Variants in PTPRG observed in about 807,000 individuals in gnomAD.
PTPRG encodes receptor-type tyrosine-protein phosphatase gamma.
In PTPRG, 102 loss-of-function variants were observed where a neutral mutation model predicts 165.3. That is an observed-to-expected ratio of 0.62 (90% CI 0.53 to 0.73). The LOEUF is 0.73. Among genes scored for constraint, PTPRG ranks in the 30% least tolerant of loss-of-function variants. The pLI, the probability that PTPRG is intolerant of heterozygous loss-of-function variation, is 0.00. For missense variants in PTPRG, 1,866 were observed against 1,861.4 expected (o/e 1.00, Z -0.05); for synonymous variants, 675 against 669.5 (o/e 1.01, Z -0.13).
intron 2 of PTPRG, among the ~76,000 whole-genome samples, chr3:61,801,294 G>T (rs7428926): frequency 6.6e-6 from 1 of 151,516 alleles, no homozygotes; most frequent in African/African-American, 2.4e-5. Context: ...GTGCGCACAC[G>T]CATATGTGTG....
intron 2 of PTPRG, among the ~76,000 whole-genome samples, chr3:61,825,242 T>A (rs1457420547): frequency 6.6e-6 from 1 of 152,254 alleles, no homozygotes. Context: ...GATTACTAAT[T>A]AAGGGAAACC....
chr3:62,293,208 TAAAGAA>T lies in PTPRG; in HGVS notation c.4242_4247del (p.Lys1414_Glu1415del). 2 of 1,610,780 alleles carry T rather than the reference TAAAGAA, an allele frequency of 1.2e-6. No homozygotes were observed. Among genetic ancestry groups the T allele is most frequent in the Non-Finnish European group, 1.7e-6 (2 of 1,178,826 alleles). Reference sequence around the variant, plus strand: ...AAGCAATGCTTAGCTTGGTCAGCACTAAAGAAAATGGAAATGGTCCCATGACAGTAG... The same window carrying T: ...AAGCAATGCTTAGCTTGGTCAGCACTAATGGAAATGGTCCCATGACAGTAG... On this transcript the variant is annotated inframe_deletion, in exon 30 of 30. Transcript: ENST00000474889.
At chr3:62,181,862 A>T (rs1354823332) in intron 8 of PTPRG, among the ~76,000 whole-genome samples, 1 of 152,144 alleles carries the variant, frequency 6.6e-6, no homozygotes, top group African/African-American at 2.4e-5. Flanking sequence ...ACATGAAGGA[A>T]ATTTTGAAAT....
intron 1 of PTPRG, among the ~76,000 whole-genome samples, chr3:61,571,359 A>G (rs889534627): frequency 6.6e-6 from 1 of 152,188 alleles, no homozygotes; most frequent in East Asian, 1.9e-4. Context: ...TGAAGAGAGT[A>G]TGGAAACTAT....
intron 1 of PTPRG, among the ~76,000 whole-genome samples, chr3:61,622,372 A>G (rs1354787081): frequency 6.6e-6 from 1 of 152,140 alleles, no homozygotes; most frequent in Non-Finnish European, 1.5e-5. Context: ...GCTATTTGTA[A>G]TTAGTGCCTA....
chr3:61,830,566 G>GTTTTTTTTTTTTTTTTTT (rs57644199), intron 2 of PTPRG, among the ~76,000 whole-genome samples: 2 of 86,498 alleles, frequency 2.3e-5, no homozygotes, highest in Non-Finnish European at 2.3e-5. Context: ...TTTTGTTTTT[G>GTTTTTTTTTTTTTTTTTT]TTTTTTTTTT....
At chr3:61,894,175 G>A (rs534875158) in intron 2 of PTPRG, among the ~76,000 whole-genome samples, 223 of 151,882 alleles carry the variant, frequency 1.5e-3, no homozygotes, top group African/African-American at 5.1e-3. Flanking sequence ...GTAGTGGTGC[G>A]TGCCTGTAAT....
chr3:61,585,634 C>A (rs1700418048), intron 1 of PTPRG, among the ~76,000 whole-genome samples: 1 of 152,032 alleles, frequency 6.6e-6, no homozygotes, highest in Admixed American at 6.5e-5. Flanking sequence ...ATAGTCCCAG[C>A]TACTTGGGAG....
At chr3:62,285,777 C>A (rs1702630321) in intron 28 of PTPRG, among the ~76,000 whole-genome samples, 1 of 152,104 alleles carries the variant, frequency 6.6e-6, no homozygotes, top group Admixed American at 6.6e-5. Context: ...AGGCATGGTT[C>A]TCATATAGTC....
In PTPRG at chr3:62,271,312, A is replaced by T. The variant is rs910805175; in HGVS notation, c.3010-71A>T. The T allele has an allele frequency of 1.5e-6, 2 of 1,329,206 alleles. No homozygotes were observed. Among genetic ancestry groups the T allele is most frequent in the African/African-American group, 2.9e-5 (2 of 68,100 alleles). 82.3% of individuals were successfully genotyped at this position (1,329,206 alleles called of 1,614,324 possible). On this transcript the variant is annotated intron_variant, in intron 20 of 29. Transcript: ENST00000474889. This position sits in a 1 kb window ranked among gnomAD's most constrained non-coding sequence, Gnocchi z 4.1. ...GTGATCAGTGGTCATGTGTCCTGAC[A>T]CCCTTACATTATTTTTTTCCAGAAT... is the stretch of plus-strand genomic sequence containing the variant.
intron 2 of PTPRG, among the ~76,000 whole-genome samples, chr3:61,917,791 G>C (rs2038978738): frequency 6.6e-6 from 1 of 152,126 alleles, no homozygotes; most frequent in African/African-American, 2.4e-5. Context: ...ACATTATCCG[G>C]GTGTGGTGGC....
intron 2 of PTPRG, among the ~76,000 whole-genome samples, chr3:61,975,415 A>G (rs945686746): frequency 7.9e-5 from 12 of 152,176 alleles, no homozygotes; most frequent in Non-Finnish European, 1.3e-4. Flanking sequence ...TGTTTTCCTC[A>G]TTCTCAAAAC....
chr3:62,080,053 C>T (rs905093633), intron 5 of PTPRG, among the ~76,000 whole-genome samples: 2 of 146,764 alleles, frequency 1.4e-5, no homozygotes, highest in African/African-American at 2.6e-5. Flanking sequence ...GTCTGGACCC[C>T]TTCGGTTCAT....
chr3:61,606,101 C>T (rs145219721), intron 1 of PTPRG, among the ~76,000 whole-genome samples: 58 of 152,324 alleles, frequency 3.8e-4, no homozygotes, highest in African/African-American at 1.3e-3. Flanking sequence ...TTGCGGTTTC[C>T]ATGGGTCATG....
intron 1 of PTPRG, among the ~76,000 whole-genome samples, chr3:61,625,816 G>A (rs888404217): frequency 1.3e-5 from 2 of 152,102 alleles, no homozygotes; most frequent in African/African-American, 2.4e-5. Context: ...ATCATATTCC[G>A]TGTATAAAAA....
At chr3:61,572,896 A>G (rs1388681336) in intron 1 of PTPRG, among the ~76,000 whole-genome samples, 2 of 151,972 alleles carry the variant, frequency 1.3e-5, no homozygotes, top group Non-Finnish European at 2.9e-5. Context: ...TGAGGGACAG[A>G]TTTTTTCTTT....
At chr3:61,830,895 G>T (rs7623117) in intron 2 of PTPRG, among the ~76,000 whole-genome samples, 3 of 152,046 alleles carry the variant, frequency 2.0e-5, no homozygotes, top group Non-Finnish European at 4.4e-5. Context: ...TTATCGGGAG[G>T]TATAAATGCA....
intron 1 of PTPRG, among the ~76,000 whole-genome samples, chr3:61,659,036 C>T (rs2107016245): frequency 6.8e-6 from 1 of 147,682 alleles, no homozygotes; most frequent in Middle Eastern, 3.5e-3. Context: ...CGGCTGTTTT[C>T]TCCTGCCCCT....
intron 1 of PTPRG, 28 bp downstream of exon 1, chr3:61,562,400 G>T: frequency 1.2e-6 from 2 of 1,607,004 alleles, no homozygotes; most frequent in Non-Finnish European, 1.7e-6. Flanking sequence ...AGGGGATGCG[G>T]CCCCGGCCGG....
Sources: gnomAD v4.1 joint callset for allele counts (sites outside exome capture counted in the v4.1 genomes callset) on GRCh38, gnomAD v4.1.1 for gene constraint, Gnocchi (gnomAD v3.1) non-coding constraint, MANE v1.5 for transcripts, NCBI Gene and HGNC (gene_info 2026-07-23, HGNC 2026-07-21) for gene names.